DMXL1: variants seen among roughly 807,000 people sequenced by gnomAD.
DMXL1 encodes the protein dmX-like protein 1.
Under a neutral mutation model 319.2 loss-of-function variants are expected in DMXL1, and 99 were observed. The observed-to-expected ratio is 0.31, with a 90% CI of 0.26 to 0.37. The LOEUF (loss-of-function observed/expected upper bound fraction) is 0.37. DMXL1 is among the 10% of genes least tolerant of loss of function. The pLI, the probability that DMXL1 is intolerant of heterozygous loss-of-function variation, is 1.00. For missense variants in DMXL1, 3,745 were observed against 3,595.6 expected (o/e 1.04, Z -1.06); for synonymous variants, 1,385 against 1,235.2 (o/e 1.12, Z -2.54).
chr5:119,087,031 G>T lies in DMXL1; in HGVS notation c.88-10948G>T, dbSNP rs1041189305. ...GGATTCTTTTTAGTTCTTTGATCTAGTTGTTTTGTCTTCTATTTAATTTGT... is the reference window on the plus strand; with the variant it reads ...GGATTCTTTTTAGTTCTTTGATCTATTTGTTTTGTCTTCTATTTAATTTGT... On this transcript the variant is annotated intron_variant, in intron 1 of 43. Coordinates refer to ENST00000539542, the MANE Select transcript of DMXL1 (RefSeq NM_001290321.3). Among the ~76,000 whole-genome samples, 14 of 151,922 alleles carry T rather than the reference G, an allele frequency of 9.2e-5. No individual in the cohort carries two copies. The East Asian group carries it at 2.7e-3, about 29-fold the overall frequency.
chr5:119,130,571 G>C (rs1463923756), intron 10 of DMXL1, among the ~76,000 whole-genome samples: 1 of 152,122 alleles, frequency 6.6e-6, no homozygotes, highest in Non-Finnish European at 1.5e-5. Flanking sequence ...TCGAACTCCT[G>C]ACCTCAGGTG....
In DMXL1 at chr5:119,077,754, A is replaced by AGTGTGTGTGT. The variant is rs59365686; in HGVS notation, c.87+6123_87+6132dup. On this transcript the variant is annotated intron_variant, in intron 1 of 43. Transcript: ENST00000539542. ...TGTACATATATACATTTATTTTTTA[A>AGTGTGTGTGT]GTGTGTGTGTGTGTGTGTGTGTGTG... Among the ~76,000 whole-genome samples the AGTGTGTGTGT allele has an allele frequency of 4.6e-3, 581 of 125,400 alleles. 5 individuals are homozygous for AGTGTGTGTGT. Among genetic ancestry groups the AGTGTGTGTGT allele is most frequent in the African/African-American group, 0.018 (548 of 30,954 alleles). The allele number at this position is 125,400 out of a possible 152,430, so 82.3% of individuals were successfully genotyped here.
At chr5:119,243,939 A>C (rs996343771) in intron 42 of DMXL1, among the ~76,000 whole-genome samples, 6 of 152,224 alleles carry the variant, frequency 3.9e-5, no homozygotes, top group Non-Finnish European at 7.3e-5. Flanking sequence ...AGCTTTGCTC[A>C]GGGACAACTT....
Position 119,164,651 on chromosome 5 carries a change from G to C in DMXL1, c.4847G>C (p.Arg1616Pro), listed in dbSNP as rs372431475. 4 of 1,600,300 alleles carry C rather than the reference G, an allele frequency of 2.5e-6. No homozygotes were observed. Among genetic ancestry groups the C allele is most frequent in the Non-Finnish European group, 3.4e-6 (4 of 1,171,586 alleles). The change falls in exon 20 of 44, where the codon CGC becomes CCC. Residue 1616 changes from arginine to proline, a missense_variant. Coordinates refer to ENST00000539542, the MANE Select transcript of DMXL1 (RefSeq NM_001290321.3). ...MGVGWWVRNT[R>P]ILRKCIEKVA... Reference sequence around the variant, plus strand: ...GTGGGGTGGTGGGTCCGGAATACCCGCATCTTACGCAAATGCATAGAAAAA... The same window carrying C: ...GTGGGGTGGTGGGTCCGGAATACCCCCATCTTACGCAAATGCATAGAAAAA...
chr5:119,202,753 A>G (rs1780934893), intron 32 of DMXL1, among the ~76,000 whole-genome samples: 1 of 151,110 alleles, frequency 6.6e-6, no homozygotes, highest in Non-Finnish European at 1.5e-5. Context: ...CGGGAGGCTG[A>G]GGCAGGAGAA....
At chr5:119,186,131 A>G (rs1407809840) in intron 28 of DMXL1, among the ~76,000 whole-genome samples, 1 of 152,236 alleles carries the variant, frequency 6.6e-6, no homozygotes, top group East Asian at 1.9e-4. Flanking sequence ...TGGGGGGCTC[A>G]GTTAGAAGGT....
At chr5:119,200,737 C>T (rs1200916400) in intron 32 of DMXL1, among the ~76,000 whole-genome samples, 1 of 152,062 alleles carries the variant, frequency 6.6e-6, no homozygotes, top group African/African-American at 2.4e-5. Flanking sequence ...TGTGTCTTAT[C>T]TGATTTCTTT....
intron 38 of DMXL1, among the ~76,000 whole-genome samples, chr5:119,232,937 T>A (rs1787049055): frequency 6.6e-6 from 1 of 151,944 alleles, no homozygotes; most frequent in South Asian, 2.1e-4. Context: ...CCTTCTTTAA[T>A]CTGATTTTTT....
At chr5:119,137,828 A>G (rs1384793105) in intron 13 of DMXL1, among the ~76,000 whole-genome samples, 1 of 152,076 alleles carries the variant, frequency 6.6e-6, no homozygotes, top group Non-Finnish European at 1.5e-5. Flanking sequence ...TTATAGCAGT[A>G]TGAAAATGGA....
intron 15 of DMXL1, among the ~76,000 whole-genome samples, chr5:119,145,728 T>A (rs560665612): frequency 4.1e-4 from 63 of 151,922 alleles, no homozygotes; most frequent in African/African-American, 1.5e-3. Context: ...TAATTCTCTT[T>A]AAGGCTAAGA....
rs997059905 is a variant in DMXL1 at position 119,216,996 on chromosome 5, A to G, written c.8013+9A>G. 1 of 1,417,740 alleles carries G rather than the reference A, an allele frequency of 7.1e-7. No individual in the cohort carries two copies. 87.8% of individuals were successfully genotyped at this position (1,417,740 alleles called of 1,614,324 possible). A position where few individuals can be genotyped will look rare whatever the true frequency, so the allele number is the denominator to read the frequency against. On this transcript the variant is annotated intron_variant, in intron 35 of 43. Coordinates refer to ENST00000539542, the MANE Select transcript of DMXL1 (RefSeq NM_001290321.3). ...CGTTTGCTGTTAATAAGGTAAGTAC[A>G]TAGACATTCTTCTTTTGTTTATTAA...
chr5:119,168,029 C>T (rs1322370367), intron 23 of DMXL1, among the ~76,000 whole-genome samples, 165 bp downstream of exon 23: 1 of 151,950 alleles, frequency 6.6e-6, no homozygotes, highest in Admixed American at 6.6e-5. Context: ...AAAGATAAAT[C>T]CTTTGAAAAC....
intron 37 of DMXL1, among the ~76,000 whole-genome samples, chr5:119,223,652 A>C (rs1490559134): frequency 2.6e-5 from 4 of 152,212 alleles, no homozygotes; most frequent in Non-Finnish European, 4.4e-5. Context: ...AGACACCAGT[A>C]GAATAAGGTT....
chr5:119,078,494 A>G (rs969362708), intron 1 of DMXL1, among the ~76,000 whole-genome samples: 2 of 152,214 alleles, frequency 1.3e-5, no homozygotes, highest in Non-Finnish European at 2.9e-5. Context: ...TCTGTCACAC[A>G]GGCTGGAGTG....
chr5:119,111,140 A>G (rs1342173794), intron 5 of DMXL1, among the ~76,000 whole-genome samples: 2 of 152,018 alleles, frequency 1.3e-5, no homozygotes, highest in Non-Finnish European at 2.9e-5. Context: ...TAGACGGGAA[A>G]TTAAATTAGA....
chr5:119,090,226 G>A (rs79001937), intron 1 of DMXL1, among the ~76,000 whole-genome samples: 2 of 150,946 alleles, frequency 1.3e-5, no homozygotes, highest in Non-Finnish European at 3.0e-5. Flanking sequence ...TCACCATGTT[G>A]GCCAGGCTAG....
At chr5:119,143,452 A>C (rs776293593) in intron 13 of DMXL1, among the ~76,000 whole-genome samples, 1 of 152,050 alleles carries the variant, frequency 6.6e-6, no homozygotes, top group South Asian at 2.1e-4. Flanking sequence ...TGAATGGCTC[A>C]AGAGATCAGC....
intron 1 of DMXL1, among the ~76,000 whole-genome samples, chr5:119,073,640 G>T (rs1032165800): frequency 4.6e-5 from 7 of 152,072 alleles, no homozygotes; most frequent in Non-Finnish European, 1.0e-4. Flanking sequence ...CAAGCCTACT[G>T]CAGATTTCTT....
chr5:119,154,730 A>C (rs1770621168), intron 19 of DMXL1: 1 of 153,718 alleles, frequency 6.5e-6, no homozygotes, highest in Admixed American at 6.5e-5. Flanking sequence ...ATAATGGATG[A>C]AGGTGGCTAC....
Sources: gnomAD v4.1 joint callset for allele counts (sites outside exome capture counted in the v4.1 genomes callset) on GRCh38, gnomAD v4.1.1 for gene constraint, MANE v1.5 for transcripts, NCBI Gene and HGNC (gene_info 2026-07-23, HGNC 2026-07-21) for gene names.